TBC1D10A: variants seen among roughly 807,000 people sequenced by gnomAD.
TBC1D10A encodes EBP50-PDX interactor of 64 kDa.
Under a neutral mutation model 52.9 loss-of-function variants are expected in TBC1D10A, and 24 were observed. That is an observed-to-expected ratio of 0.45 (90% CI 0.33 to 0.64). The LOEUF (loss-of-function observed/expected upper bound fraction) is 0.64. Ranked by LOEUF, TBC1D10A falls within the 30% of genes least tolerant of loss-of-function variation. The probability of loss-of-function intolerance (pLI) is 0.02; values close to 1 mark genes in which losing one functional copy is unlikely to be tolerated. For synonymous variants in TBC1D10A, 278 were observed against 282.9 expected (o/e 0.98, Z 0.17); for missense variants, 602 against 687.9 (o/e 0.88, Z 1.40).
At chr22:30,304,418 C>T in intron 2 of TBC1D10A, 113 bp downstream of exon 2, 1 of 1,532,252 alleles carries the variant, frequency 6.5e-7, no homozygotes, top group Non-Finnish European at 8.8e-7. Context: ...ACACCTAAGG[C>T]ATCTGGCAGT....
chr22:30,309,934 T>C (rs1322021411), intron 1 of TBC1D10A, among the ~76,000 whole-genome samples: 1 of 152,102 alleles, frequency 6.6e-6, no homozygotes, highest in Non-Finnish European at 1.5e-5. Flanking sequence ...TCGTGGGAGA[T>C]AAATCTTGAT....
At chr22:30,326,540 C>T in intron 1 of TBC1D10A, 133 bp downstream of exon 1, 2 of 680,534 alleles carry the variant, frequency 2.9e-6, no homozygotes, top group South Asian at 3.4e-5. Context: ...GGGGGTGGGG[C>T]AGGGGAGGGA....
intron 1 of TBC1D10A, among the ~76,000 whole-genome samples, chr22:30,320,220 TG>T (rs1384020756): frequency 6.6e-6 from 1 of 152,210 alleles, no homozygotes; most frequent in African/African-American, 2.4e-5. Context: ...CTCTGGCCTA[TG>T]GGAGGACTAA....
intron 1 of TBC1D10A, among the ~76,000 whole-genome samples, chr22:30,317,349 G>A (rs5753061): frequency 0.2 from 30,716 of 152,140 alleles, 3,366 homozygotes; most frequent in Middle Eastern, 0.35. Flanking sequence ...AGAGGTTGCA[G>A]TGAGCCAAGA....
chr22:30,300,535 T>A (rs1273767330), intron 2 of TBC1D10A: 2 of 151,570 alleles, frequency 1.3e-5, no homozygotes, highest in Admixed American at 6.6e-5. Context: ...TTGCACTGTG[T>A]GCGGCTCAGC....
chr22:30,317,304 A>C (rs1930559374), intron 1 of TBC1D10A, among the ~76,000 whole-genome samples: 1 of 152,184 alleles, frequency 6.6e-6, no homozygotes, highest in South Asian at 2.1e-4. Context: ...GCTACTCGGG[A>C]GGCTGAGGCA....
chr22:30,303,050 G>A (rs759202306), intron 2 of TBC1D10A, among the ~76,000 whole-genome samples: 8 of 152,238 alleles, frequency 5.3e-5, no homozygotes, highest in Non-Finnish European at 1.0e-4. Flanking sequence ...GGAGGCCAAC[G>A]CACATGGATT....
Position 30,292,660 on chromosome 22 carries a change from TAGGG to T in TBC1D10A, c.1238_1241del (p.Pro413GlnfsTer26). Reference sequence around the variant, plus strand: ...CTTTGGAGCCAGGGAGGGGGGCATCTAGGGGCAGGCGGATGGATGGTGAAGGTTG... The same window carrying T: ...CTTTGGAGCCAGGGAGGGGGGCATCTGCAGGCGGATGGATGGTGAAGGTTG... On this transcript the variant is annotated frameshift_variant, in exon 9 of 9. Coordinates refer to ENST00000215790, the MANE Select transcript of TBC1D10A (RefSeq NM_031937.3). LOFTEE classifies it low-confidence loss of function (END_TRUNC). 6.2e-7 allele frequency: 1 copy of T among 1,610,578 alleles called. No individual in the cohort carries two copies. The highest frequency in any genetic ancestry group is 1.1e-5 in the South Asian group (1 of 90,718).
chr22:30,316,127 T>C (rs779949568), intron 1 of TBC1D10A, among the ~76,000 whole-genome samples: 1 of 152,212 alleles, frequency 6.6e-6, no homozygotes, highest in Non-Finnish European at 1.5e-5. Context: ...AAGAGCTAGA[T>C]AAATCAAAGC....
At chr22:30,326,589 C>A (rs1930780339) in intron 1 of TBC1D10A, 84 bp downstream of exon 1, 2 of 1,345,596 alleles carry the variant, frequency 1.5e-6, no homozygotes, top group African/African-American at 1.5e-5. Flanking sequence ...GGGGACGTGT[C>A]GGCAAGTCCC....
chr22:30,298,551 A>T (rs1930133399), intron 3 of TBC1D10A: 1 of 152,286 alleles, frequency 6.6e-6, no homozygotes, highest in African/African-American at 2.4e-5. Context: ...ATGAAGAAGC[A>T]TGAGATATGT....
chr22:30,296,995 C>T (rs1930094182), intron 3 of TBC1D10A: 1 of 152,224 alleles, frequency 6.6e-6, no homozygotes, highest in Admixed American at 6.5e-5. Context: ...GGAGGGAGGC[C>T]AGGTCCTCAG....
At chr22:30,324,713 C>G (rs534668724) in intron 1 of TBC1D10A, among the ~76,000 whole-genome samples, 2 of 152,300 alleles carry the variant, frequency 1.3e-5, no homozygotes, top group South Asian at 4.1e-4. Context: ...AGCGCTGTGC[C>G]AGGCACCTTC....
chr22:30,315,842 G>A (rs555427311), intron 1 of TBC1D10A, among the ~76,000 whole-genome samples: 4 of 152,296 alleles, frequency 2.6e-5, no homozygotes, highest in Non-Finnish European at 5.9e-5. Flanking sequence ...AAAACAACCT[G>A]AAAAGCCTGG....
At chr22:30,304,851 T>C (rs1930279499) in intron 1 of TBC1D10A, among the ~76,000 whole-genome samples, 1 of 152,136 alleles carries the variant, frequency 6.6e-6, no homozygotes, top group East Asian at 1.9e-4. Flanking sequence ...CAGCAGGTGG[T>C]TCAAGTGCCT....
At position 30,293,634 on chromosome 22, in the gene TBC1D10A, G is replaced by A. The variant is rs780825932; in HGVS notation, c.1050+17C>T. On this transcript the variant is annotated intron_variant, in intron 8 of 8. Coordinates refer to ENST00000215790, the MANE Select transcript of TBC1D10A (RefSeq NM_031937.3). The stretch of plus-strand genomic sequence containing the variant: ...TCTTCCTCCCTCCCCATGATAAGGG[G>A]CAGGCATGGGCTGTACCTCCTGGAC... 6.3e-7 allele frequency: 1 copy of A among 1,591,710 alleles called. No homozygotes were observed. Among genetic ancestry groups the A allele is most frequent in the South Asian group, 1.1e-5 (1 of 89,592 alleles).
intron 1 of TBC1D10A, among the ~76,000 whole-genome samples, chr22:30,306,600 G>T (rs1199740882): frequency 6.6e-6 from 1 of 152,148 alleles, no homozygotes; most frequent in Non-Finnish European, 1.5e-5. Context: ...CATTGATTTG[G>T]CAAGATCTTC....
chr22:30,324,213 TA>T (rs1024520830), intron 1 of TBC1D10A, among the ~76,000 whole-genome samples: 1 of 152,152 alleles, frequency 6.6e-6, no homozygotes, highest in Non-Finnish European at 1.5e-5. Flanking sequence ...TTCACTTCTC[TA>T]GCATAGAACA....
At position 30,324,500 on chromosome 22, in the gene TBC1D10A, C is replaced by A. The variant is rs538047426; in HGVS notation, c.209+2173G>T. On this transcript the variant is annotated intron_variant, in intron 1 of 8. Coordinates refer to ENST00000215790, the MANE Select transcript of TBC1D10A (RefSeq NM_031937.3). ...GCCATGTAGAGGGTGTCTGCAGAGC[C>A]ACATCCCGGGTTTGTGGTTGTGGGG... 9.9e-5 allele frequency among the ~76,000 whole-genome samples: 15 copies of A among 152,154 alleles called. 1 individual carries two copies. The highest frequency in any genetic ancestry group is 9.8e-4 in the Admixed American group (15 of 15,274).
Sources: gnomAD v4.1 joint callset for allele counts (sites outside exome capture counted in the v4.1 genomes callset) on GRCh38, gnomAD v4.1.1 for gene constraint, MANE v1.5 for transcripts, NCBI Gene and HGNC (gene_info 2026-07-23, HGNC 2026-07-21) for gene names.